Variants in CCDC6 observed in about 807,000 individuals in gnomAD.
The protein encoded by CCDC6 is coiled-coil domain-containing protein 6.
A neutral mutation model predicts 56.6 loss-of-function variants in CCDC6; 20 were observed. That is an observed-to-expected ratio of 0.35 (90% CI 0.25 to 0.51). The LOEUF (loss-of-function observed/expected upper bound fraction) is 0.51, where lower values mean the gene tolerates loss of function less well. Among genes scored for constraint, CCDC6 ranks in the 20% least tolerant of loss-of-function variants. The probability of loss-of-function intolerance (pLI) is 0.95; values close to 1 mark genes in which losing one functional copy is unlikely to be tolerated. For synonymous variants in CCDC6, 241 were observed against 234.4 expected, an observed-to-expected ratio of 1.03 and a Z score of -0.26; for missense variants, 367 against 601.1, an observed-to-expected ratio of 0.61 and a Z score of 4.07.
intron 3 of CCDC6, among the ~76,000 whole-genome samples, chr10:59,826,958 CG>C (rs1337422139): frequency 6.6e-6 from 1 of 152,214 alleles, no homozygotes; most frequent in Non-Finnish European, 1.5e-5. Flanking sequence ...AACCTTGTCT[CG>C]GCCCTCCTTC....
At chr10:59,893,738 G>A (rs1215966862) in intron 1 of CCDC6, among the ~76,000 whole-genome samples, 1 of 92,610 alleles carries the variant, frequency 1.1e-5, no homozygotes, top group African/African-American at 3.4e-5. Flanking sequence ...GTTCTCCACC[G>A]AAGGCTTTAC....
At chr10:59,896,043 C>A (rs917704205) in intron 1 of CCDC6, among the ~76,000 whole-genome samples, 1 of 152,290 alleles carries the variant, frequency 6.6e-6, no homozygotes, top group East Asian at 1.9e-4. Flanking sequence ...TGTGCACACT[C>A]CACGGGGAGA....
rs143330149 is a variant in CCDC6 at position 59,844,595 on chromosome 10, A to G, written c.453+7958T>C. On this transcript the variant is annotated intron_variant, in intron 2 of 8. Coordinates refer to ENST00000263102, the MANE Select transcript of CCDC6 (RefSeq NM_005436.5). ...TAAAACCCTGTCTCTACTTAAAAAA[A>G]AAAAAAAATACAAAAATTAGCTGGG... Among the ~76,000 whole-genome samples the G allele has an allele frequency of 8.0e-3, 1,218 of 151,650 alleles. 3 individuals carry two copies. Among genetic ancestry groups the G allele is most frequent in the Admixed American group, 0.014 (217 of 15,234 alleles).
intron 3 of CCDC6, among the ~76,000 whole-genome samples, chr10:59,824,075 GACCTATATGTGGCATCT>G (rs2070767880): frequency 6.6e-6 from 1 of 152,162 alleles, no homozygotes; most frequent in South Asian, 2.1e-4. Flanking sequence ...TGTACAAGTT[GACCTATATGTGGCATCT>G]GATGCTTCAA....
At chr10:59,847,815 G>GA (rs2071005840) in intron 2 of CCDC6, among the ~76,000 whole-genome samples, 3 of 126,498 alleles carry the variant, frequency 2.4e-5, no homozygotes, top group South Asian at 2.5e-4. Flanking sequence ...TAGCCTTTTA[G>GA]ACTTTTTTTT....
Position 59,852,708 on chromosome 10 carries a change from TAAAA to T in CCDC6, c.304-10_304-7del. The T allele has an allele frequency of 1.6e-6, 2 of 1,258,712 alleles. No homozygotes were observed. The highest frequency in any genetic ancestry group is 1.1e-6 in the Non-Finnish European group (1 of 935,770). The allele number at this position is 1,258,712 out of a possible 1,614,324, so 78.0% of individuals were successfully genotyped here. A position where few individuals can be genotyped will look rare whatever the true frequency, so the allele number is the denominator to read the frequency against. On this transcript the variant is annotated splice_polypyrimidine_tract_variant and splice_region_variant and intron_variant, in intron 1 of 8. Transcript: ENST00000263102. ...TCCTGCTCAGCCCTGGCTTGCTGTT[TAAAA>T]AAAAAAAAGGAAAGAACAAAACAAA...
At chr10:59,860,805 T>C (rs763070548) in intron 1 of CCDC6, among the ~76,000 whole-genome samples, 39 of 152,134 alleles carry the variant, frequency 2.6e-4, no homozygotes, top group Non-Finnish European at 2.8e-4. Flanking sequence ...CCCAGCACTT[T>C]AGGAGGCCAA....
At chr10:59,801,093 A>T (rs1224951286) in intron 7 of CCDC6, among the ~76,000 whole-genome samples, 1 of 152,136 alleles carries the variant, frequency 6.6e-6, no homozygotes, top group Non-Finnish European at 1.5e-5. Flanking sequence ...AAACACTAAA[A>T]CATTAACACC....
At chr10:59,862,109 G>A (rs572737482) in intron 1 of CCDC6, among the ~76,000 whole-genome samples, 2 of 152,180 alleles carry the variant, frequency 1.3e-5, no homozygotes, top group Non-Finnish European at 2.9e-5. Context: ...TAGTGAAAAG[G>A]CAGCCCTGAA....
chr10:59,850,839 A>G (rs1474554225), intron 2 of CCDC6, among the ~76,000 whole-genome samples: 6 of 152,164 alleles, frequency 3.9e-5, no homozygotes, highest in Non-Finnish European at 1.5e-5. Context: ...CACCAAGTAT[A>G]CACAACTATA....
At position 59,797,588 on chromosome 10, in the gene CCDC6, C is replaced by CAAAAAAAAAA. The variant is rs10561094; in HGVS notation, c.1106-3001_1106-2992dup. 1.1e-3 allele frequency among the ~76,000 whole-genome samples: 34 copies of CAAAAAAAAAA among 31,604 alleles called. 3 individuals are homozygous for CAAAAAAAAAA. The highest frequency in any genetic ancestry group is 3.7e-3 in the African/African-American group (24 of 6,462). The allele number at this position is 31,604 out of a possible 152,430, so 20.7% of individuals were successfully genotyped here. ...GTAGCCAATGAACTGAACCTCCTAG[C>CAAAAAAAAAA]AAAAAAAAAAAAAAAAAAAAAAAAA... On this transcript the variant is annotated intron_variant, in intron 7 of 8. Coordinates refer to ENST00000263102, the MANE Select transcript of CCDC6 (RefSeq NM_005436.5).
intron 1 of CCDC6, among the ~76,000 whole-genome samples, chr10:59,894,559 A>G (rs1589064850): frequency 9.6e-6 from 1 of 104,556 alleles, no homozygotes; most frequent in Non-Finnish European, 2.7e-5. Context: ...CATACAGCAG[A>G]CACTCATGTT....
chr10:59,877,183 C>T (rs2071291373), intron 1 of CCDC6, among the ~76,000 whole-genome samples: 1 of 152,158 alleles, frequency 6.6e-6, no homozygotes, highest in South Asian at 2.1e-4. Context: ...AAACATTTGA[C>T]AAAATTCTGC....
chr10:59,797,301 A>G (rs1488943374), intron 7 of CCDC6, among the ~76,000 whole-genome samples: 1 of 152,096 alleles, frequency 6.6e-6, no homozygotes, highest in African/African-American at 2.4e-5. Context: ...TTGCTGCACA[A>G]CATTATACTA....
At chr10:59,883,681 C>G (rs1044537907) in intron 1 of CCDC6, among the ~76,000 whole-genome samples, 1 of 152,134 alleles carries the variant, frequency 6.6e-6, no homozygotes, top group African/African-American at 2.4e-5. Flanking sequence ...GTTGGTTTCA[C>G]GTACACAAAT....
intron 1 of CCDC6, among the ~76,000 whole-genome samples, chr10:59,868,667 T>C (rs780361323): frequency 6.6e-6 from 1 of 152,248 alleles, no homozygotes; most frequent in Non-Finnish European, 1.5e-5. Context: ...CATGGCTCAC[T>C]GTGCCTAAGC....
chr10:59,854,850 T>C lies in CCDC6; in HGVS notation c.304-2148A>G, dbSNP rs74842563. On this transcript the variant is annotated intron_variant, in intron 1 of 8. Transcript: ENST00000263102. ...TTTTGACCGACAAAGTCCTATATGA[T>C]TTGAATTCTGACTATTCTAAAAGTT... Among the ~76,000 whole-genome samples the C allele has an allele frequency of 1.9e-3, 297 of 152,336 alleles. 11 individuals carry two copies. In the East Asian group the frequency reaches 0.048, roughly 25 times the overall value.
At chr10:59,832,715 G>C in intron 2 of CCDC6, 62 bp from the exon 3 acceptor site, 1 of 1,552,440 alleles carries the variant, frequency 6.4e-7, no homozygotes. Flanking sequence ...GGAAACACTG[G>C]CTCCAAAAGG....
In CCDC6 at chr10:59,792,638, G is replaced by GAAATACC; in HGVS notation, c.*272_*278dup. 1 of 707,528 alleles carries GAAATACC rather than the reference G, an allele frequency of 1.4e-6. No individual in the cohort carries two copies. Among genetic ancestry groups the GAAATACC allele is most frequent in the Non-Finnish European group, 2.6e-6 (1 of 381,850 alleles). The allele number at this position is 707,528 out of a possible 1,614,324, so 43.8% of individuals were successfully genotyped here. ...CAAGCAAAAATTGCACACTGCTGCT[G>GAAATACC]AAATACCAAATACCAAACAGCGAAG... On this transcript the variant is annotated 3_prime_UTR_variant, in exon 9 of 9. Coordinates refer to ENST00000263102, the MANE Select transcript of CCDC6 (RefSeq NM_005436.5).
Sources: gnomAD v4.1 joint callset for allele counts (sites outside exome capture counted in the v4.1 genomes callset) on GRCh38, gnomAD v4.1.1 for gene constraint, MANE v1.5 for transcripts, NCBI Gene and HGNC (gene_info 2026-07-23, HGNC 2026-07-21) for gene names.